The following CDIN1 variants were observed in gnomAD, a reference collection of about 807,000 sequenced individuals.
CDIN1 encodes the protein CDAN1 interacting nuclease 1, also known as CDAN1-interacting nuclease 1.
A neutral mutation model predicts 45.3 loss-of-function variants in CDIN1; 33 were observed. The ratio of observed to expected loss-of-function variants is 0.73; its 90% CI spans 0.55 to 0.97. CDIN1 has a LOEUF of 0.97. Among genes scored for constraint, CDIN1 ranks in the 50% least tolerant of loss-of-function variants. The pLI, the probability that CDIN1 is intolerant of heterozygous loss-of-function variation, is 0.00. For synonymous variants in CDIN1, 118 were observed against 124.4 expected (o/e 0.95, Z 0.34); for missense variants, 303 against 339.4 (o/e 0.89, Z 0.84).
chr15:36,789,853 C>T (rs1333072503), intron 10 of CDIN1, among the ~76,000 whole-genome samples: 4 of 152,176 alleles, frequency 2.6e-5, no homozygotes, highest in Non-Finnish European at 5.9e-5. Flanking sequence ...GCTAGTGAGG[C>T]CTACCAAAGT....
chr15:36,664,172 G>A (rs1027796913), intron 5 of CDIN1, among the ~76,000 whole-genome samples: 3 of 152,156 alleles, frequency 2.0e-5, no homozygotes, highest in East Asian at 3.9e-4. Context: ...TGAGAGAAGG[G>A]AAAAAATGGA....
At position 36,677,193 on chromosome 15, in the gene CDIN1, A is replaced by G. The variant is rs140179360; in HGVS notation, c.347-14492A>G. 5.6e-4 allele frequency among the ~76,000 whole-genome samples: 85 copies of G among 152,296 alleles called. 2 individuals are homozygous for G. The East Asian group carries it at 0.013, about 24-fold the overall frequency. On this transcript the variant is annotated intron_variant, in intron 5 of 10. Coordinates refer to ENST00000566621, the MANE Select transcript of CDIN1 (RefSeq NM_001321759.2). ...TTTCTGCTTTTAAGCAGCTTGCCAA[A>G]TACCCTGACAAAAACAATTCCTTAA...
At chr15:36,784,365 A>T (rs2054433667) in intron 10 of CDIN1, among the ~76,000 whole-genome samples, 1 of 152,224 alleles carries the variant, frequency 6.6e-6, no homozygotes, top group South Asian at 2.1e-4. Context: ...TAAGCCAGTT[A>T]TTCCTAGGGA....
chr15:36,659,313 T>C (rs2040900054), intron 5 of CDIN1, among the ~76,000 whole-genome samples: 1 of 152,228 alleles, frequency 6.6e-6, no homozygotes, highest in Non-Finnish European at 1.5e-5. Flanking sequence ...TGTACCATTT[T>C]ATACAGCAGA....
chr15:36,583,737 C>G (rs1429809998), intron 1 of CDIN1, among the ~76,000 whole-genome samples: 2 of 152,252 alleles, frequency 1.3e-5, no homozygotes, highest in African/African-American at 4.8e-5. Context: ...AGACCCAAGG[C>G]TGGGCACTGT....
intron 10 of CDIN1, among the ~76,000 whole-genome samples, chr15:36,724,040 A>G (rs2043533049): frequency 6.6e-6 from 1 of 152,176 alleles, no homozygotes; most frequent in African/African-American, 2.4e-5. Context: ...TATGAGGTAA[A>G]TGCTAGTATT....
intron 5 of CDIN1, among the ~76,000 whole-genome samples, chr15:36,666,209 C>A (rs1005940788): frequency 6.6e-6 from 1 of 151,706 alleles, no homozygotes; most frequent in Non-Finnish European, 1.5e-5. Context: ...GACACAAAGC[C>A]TTTTTTTTCT....
At chr15:36,626,155 T>C (rs2096067439) in intron 1 of CDIN1, among the ~76,000 whole-genome samples, 1 of 151,564 alleles carries the variant, frequency 6.6e-6, no homozygotes, top group African/African-American at 2.4e-5. Flanking sequence ...TATTTTTAAA[T>C]TTTTGTTTAT....
chr15:36,698,498 A>G (rs1326492602), intron 8 of CDIN1, among the ~76,000 whole-genome samples: 1 of 152,188 alleles, frequency 6.6e-6, no homozygotes, highest in Non-Finnish European at 1.5e-5. Context: ...GAAAGATGGT[A>G]AGTTGGAAGA....
intron 10 of CDIN1, among the ~76,000 whole-genome samples, chr15:36,778,904 GAA>G (rs1293145184): frequency 6.6e-6 from 1 of 152,158 alleles, no homozygotes; most frequent in Non-Finnish European, 1.5e-5. Context: ...AATTGTAAAA[GAA>G]AGTATTTGCA....
intron 10 of CDIN1, among the ~76,000 whole-genome samples, chr15:36,792,778 A>G (rs1487289577): frequency 6.6e-6 from 1 of 152,148 alleles, no homozygotes; most frequent in Non-Finnish European, 1.5e-5. Flanking sequence ...GATCACCCTC[A>G]GGCGAAGGCC....
At chr15:36,762,432 T>TA (rs1288479498) in intron 10 of CDIN1, among the ~76,000 whole-genome samples, 1 of 152,184 alleles carries the variant, frequency 6.6e-6, no homozygotes, top group African/African-American at 2.4e-5. Flanking sequence ...TTAAGTGACT[T>TA]ATAGATGACT....
intron 10 of CDIN1, among the ~76,000 whole-genome samples, chr15:36,751,297 T>G (rs1281085385): frequency 7.0e-6 from 1 of 143,482 alleles, no homozygotes; most frequent in African/African-American, 2.6e-5. Flanking sequence ...TACATATGGT[T>G]GAGAAGAGAT....
At chr15:36,763,263 A>T (rs1226188765) in intron 10 of CDIN1, among the ~76,000 whole-genome samples, 1 of 151,936 alleles carries the variant, frequency 6.6e-6, no homozygotes, top group Non-Finnish European at 1.5e-5. Flanking sequence ...GCATTTTTTC[A>T]TGTGTCTTTT....
intron 1 of CDIN1, chr15:36,617,067 A>T (rs2038930150): frequency 1.3e-6 from 1 of 778,160 alleles, no homozygotes; most frequent in Non-Finnish European, 2.4e-6. Flanking sequence ...TGTGGGAACG[A>T]TTGGGCCGAG....
intron 10 of CDIN1, chr15:36,790,112 A>G (rs1437780480): frequency 1.3e-5 from 2 of 152,222 alleles, no homozygotes; most frequent in Non-Finnish European, 2.9e-5. Flanking sequence ...TTATGGACCT[A>G]GCTGATCTGA....
chr15:36,797,883 G>C (rs550297996), intron 10 of CDIN1, among the ~76,000 whole-genome samples: 2 of 151,368 alleles, frequency 1.3e-5, no homozygotes, highest in South Asian at 2.1e-4. Context: ...AGGAGACTGA[G>C]GCAGGAGAAT....
At chr15:36,767,198 T>C (rs937434362) in intron 10 of CDIN1, among the ~76,000 whole-genome samples, 2 of 152,188 alleles carry the variant, frequency 1.3e-5, no homozygotes, top group African/African-American at 4.8e-5. Flanking sequence ...TCTATATTTT[T>C]AATACTCAGA....
At chr15:36,721,493 T>A (rs1360248663) in intron 10 of CDIN1, among the ~76,000 whole-genome samples, 3 of 152,208 alleles carry the variant, frequency 2.0e-5, no homozygotes, top group Non-Finnish European at 4.4e-5. Flanking sequence ...CAGATATCTT[T>A]CTGTTTGGTT....
Sources: allele counts gnomAD v4.1 joint callset (sites outside exome capture counted in the v4.1 genomes callset), GRCh38; gene constraint gnomAD v4.1.1; transcripts MANE v1.5; gene names NCBI Gene and HGNC (gene_info 2026-07-23, HGNC 2026-07-21).